PLCG2: variants seen among roughly 807,000 people sequenced by gnomAD.
The protein encoded by PLCG2 is phospholipase C gamma 2.
Under a neutral mutation model 175.6 loss-of-function variants are expected in PLCG2, and 69 were observed. That is an observed-to-expected ratio of 0.39 (90% confidence interval 0.32 to 0.48). The LOEUF (loss-of-function observed/expected upper bound fraction) is 0.48, where lower values mean the gene tolerates loss of function less well. Ranked by LOEUF, PLCG2 falls within the 20% of genes least tolerant of loss-of-function variation. PLCG2 has a pLI of 0.91. For missense variants in PLCG2, 1,798 were observed against 1,650.9 expected (o/e 1.09, Z -1.54); for synonymous variants, 827 against 624.0 (o/e 1.33, Z -4.85).
intron 25 of PLCG2, among the ~76,000 whole-genome samples, chr16:81,934,084 C>T (rs1040842604): frequency 6.6e-6 from 1 of 152,126 alleles, no homozygotes; most frequent in African/African-American, 2.4e-5. Context: ...TTGAGACACT[C>T]TAACAGTGTG....
At chr16:81,865,392 G>T (rs529848223) in intron 5 of PLCG2, among the ~76,000 whole-genome samples, 1 of 152,232 alleles carries the variant, frequency 6.6e-6, no homozygotes, top group African/African-American at 2.4e-5. Context: ...GGAGGGGCTC[G>T]CCTAGGGAGA....
rs139186831 is a variant in PLCG2, at chr16:81,815,639, C to T, written c.193+29457C>T. On this transcript the variant is annotated intron_variant, in intron 2 of 32. Coordinates refer to ENST00000564138, the MANE Select transcript of PLCG2 (RefSeq NM_002661.5). ...ACTCAGAACACAAGTCCCTCTTCAG[C>T]TGCTGGGAGTCTGAGCATGGGAAAA... is the stretch of plus-strand genomic sequence containing the variant. 3.4e-3 allele frequency among the ~76,000 whole-genome samples: 517 copies of T among 152,328 alleles called. 2 individuals are homozygous for T. Among genetic ancestry groups the T allele is most frequent in the African/African-American group, 0.012 (510 of 41,566 alleles).
rs73587632 is a variant in PLCG2, at chr16:81,782,771, G to A, written c.-47-3172G>A. Among the ~76,000 whole-genome samples the A allele has an allele frequency of 3.5e-3, 534 of 152,288 alleles. 3 individuals carry two copies. Among genetic ancestry groups the A allele is most frequent in the African/African-American group, 0.012 (509 of 41,554 alleles). On this transcript the variant is annotated intron_variant, in intron 1 of 32. Coordinates refer to ENST00000564138, the MANE Select transcript of PLCG2 (RefSeq NM_002661.5). The stretch of plus-strand genomic sequence containing the variant: ...CCCACAAAACGATTCTGTTAAAATG[G>A]GGCACAGGCAAATACTTGAGTGGTA...
intron 2 of PLCG2, among the ~76,000 whole-genome samples, chr16:81,768,552 GTTTT>G (rs769292122): frequency 1.9e-5 from 2 of 105,424 alleles, no homozygotes; most frequent in African/African-American, 4.1e-5. Flanking sequence ...GTTATCCTCA[GTTTT>G]TTTTTTTTTT....
chr16:81,778,112 A>G (rs1421707064), upstream of PLCG2, among the ~76,000 whole-genome samples: 1 of 152,056 alleles, frequency 6.6e-6, no homozygotes, highest in East Asian at 1.9e-4. Flanking sequence ...CCAGTGGCAC[A>G]TGCCTGTGAT....
intron 2 of PLCG2, among the ~76,000 whole-genome samples, chr16:81,846,843 TTC>T (rs1194398421): frequency 2.0e-5 from 3 of 152,212 alleles, no homozygotes; most frequent in African/African-American, 7.2e-5. Flanking sequence ...TTTTTTCTCT[TTC>T]TCTTTCCTCT....
At chr16:81,789,374 G>T (rs1163174990) in intron 2 of PLCG2, among the ~76,000 whole-genome samples, 1 of 152,198 alleles carries the variant, frequency 6.6e-6, no homozygotes, top group Non-Finnish European at 1.5e-5. Context: ...CACTATAGTT[G>T]TGAACTCCTG....
intron 9 of PLCG2, among the ~76,000 whole-genome samples, chr16:81,887,813 A>G (rs1403362941): frequency 6.6e-6 from 1 of 152,222 alleles, no homozygotes; most frequent in Admixed American, 6.5e-5. Context: ...TTTCCTATGA[A>G]TATTTGGGAT....
At chr16:81,844,753 G>T (rs566988177) in intron 2 of PLCG2, among the ~76,000 whole-genome samples, 6 of 152,238 alleles carry the variant, frequency 3.9e-5, no homozygotes, top group Non-Finnish European at 8.8e-5. Context: ...GTGAGAATTT[G>T]CATAGTGATG....
chr16:81,936,583 C>G (rs4073829), intron 27 of PLCG2, among the ~76,000 whole-genome samples: 104,582 of 152,094 alleles, frequency 0.69, 36,776 homozygotes, highest in African/African-American at 0.83. Flanking sequence ...GCTTGGCTTA[C>G]GCAGGCTTCG....
intron 7 of PLCG2, among the ~76,000 whole-genome samples, chr16:81,880,372 C>G (rs1194856189): frequency 6.6e-6 from 1 of 152,222 alleles, no homozygotes; most frequent in African/African-American, 2.4e-5. Context: ...TGTCTACGCG[C>G]TTTTCCTTCT....
At chr16:81,835,409 A>T (rs1305285017) in intron 2 of PLCG2, among the ~76,000 whole-genome samples, 1 of 151,940 alleles carries the variant, frequency 6.6e-6, no homozygotes, top group Non-Finnish European at 1.5e-5. Flanking sequence ...CAGCCTGGCC[A>T]ACATGGCGAA....
chr16:81,799,917 A>T (rs1911647773), intron 2 of PLCG2, among the ~76,000 whole-genome samples: 1 of 152,150 alleles, frequency 6.6e-6, no homozygotes, highest in African/African-American at 2.4e-5. Flanking sequence ...TTAAATGTCG[A>T]TGTTGGTTTA....
intron 2 of PLCG2, chr16:81,798,358 G>A (rs1911566907): frequency 6.6e-6 from 1 of 152,332 alleles, no homozygotes; most frequent in African/African-American, 2.4e-5. Context: ...TGTAGGGGGT[G>A]TCCTCCTCCT....
intron 31 of PLCG2, among the ~76,000 whole-genome samples, chr16:81,948,056 G>A (rs1043482031): frequency 1.4e-5 from 2 of 144,422 alleles, no homozygotes; most frequent in African/African-American, 4.9e-5. Flanking sequence ...CCTACTAACG[G>A]AGAGTCAAGT....
At chr16:81,770,894 T>TA (rs925504726) in intron 2 of PLCG2, among the ~76,000 whole-genome samples, 4 of 151,280 alleles carry the variant, frequency 2.6e-5, no homozygotes, top group Non-Finnish European at 4.4e-5. Context: ...CCATCTCTAC[T>TA]AAAAAAACAA....
At chr16:81,935,215 C>T (rs555494581) in intron 26 of PLCG2, among the ~76,000 whole-genome samples, 2 of 152,294 alleles carry the variant, frequency 1.3e-5, no homozygotes, top group African/African-American at 4.8e-5. Context: ...TTCCCTTCTT[C>T]CAGTTTCTGG....
chr16:81,914,257 C>T (rs1187991513), intron 19 of PLCG2, among the ~76,000 whole-genome samples: 2 of 152,216 alleles, frequency 1.3e-5, no homozygotes, highest in Non-Finnish European at 2.9e-5. Context: ...ACAACCGGAT[C>T]GGGGCCTCAC....
chr16:81,948,535 G>C (rs1206410201), intron 31 of PLCG2, among the ~76,000 whole-genome samples: 1 of 152,160 alleles, frequency 6.6e-6, no homozygotes, highest in Non-Finnish European at 1.5e-5. Flanking sequence ...AGGATGTTGT[G>C]CACTAGATTA....
Sources: gnomAD v4.1 joint callset for allele counts (sites outside exome capture counted in the v4.1 genomes callset) on GRCh38, gnomAD v4.1.1 for gene constraint, MANE v1.5 for transcripts, NCBI Gene and HGNC (gene_info 2026-07-23, HGNC 2026-07-21) for gene names.